NOX4: variants seen among roughly 807,000 people sequenced by gnomAD.
NOX4 encodes NADPH oxidase 4.
A neutral mutation model predicts 87.6 loss-of-function variants in NOX4; 69 were observed. The observed-to-expected ratio is 0.79, with a 90% CI of 0.65 to 0.96. The LOEUF (loss-of-function observed/expected upper bound fraction) is 0.96, where lower values mean the gene tolerates loss of function less well. Among genes scored for constraint, NOX4 ranks in the 40% least tolerant of loss-of-function variants. The pLI is 0.00. For missense variants in NOX4, 680 were observed against 681.5 expected (o/e 1.00, Z 0.02); for synonymous variants, 275 against 238.2 (o/e 1.15, Z -1.42).
chr11:89,327,569 G>C (rs986019612), intron 17 of NOX4, among the ~76,000 whole-genome samples: 1 of 151,916 alleles, frequency 6.6e-6, no homozygotes, highest in Non-Finnish European at 1.5e-5. Flanking sequence ...TAAATCCCAG[G>C]AAATAAATAA....
At chr11:89,336,487 A>C (rs1945720880) in intron 16 of NOX4, among the ~76,000 whole-genome samples, 1 of 151,970 alleles carries the variant, frequency 6.6e-6, no homozygotes, top group Non-Finnish European at 1.5e-5. Context: ...CCTAGACAAG[A>C]CAGCTCAAGA....
At chr11:89,412,581 T>C (rs1359484621) in intron 8 of NOX4, among the ~76,000 whole-genome samples, 3 of 152,082 alleles carry the variant, frequency 2.0e-5, no homozygotes, top group Admixed American at 6.6e-5. Context: ...GATGAAATTA[T>C]TGAGGAAATT....
the NOX4 span, among the ~76,000 whole-genome samples, chr11:89,545,945 C>G: frequency 1.3e-5 from 2 of 152,138 alleles, no homozygotes; most frequent in East Asian, 3.9e-4. Context: ...TTATGGCACA[C>G]CCATCAGCCC....
intron 8 of NOX4, among the ~76,000 whole-genome samples, chr11:89,410,138 A>G (rs2202150): frequency 0.42 from 63,499 of 151,846 alleles, 13,682 homozygotes; most frequent in East Asian, 0.56. Context: ...ATGCATAAAG[A>G]CCCCGAACAA....
At chr11:89,467,349 C>CAAAAAAAAAAAAAAAAAAAAAAAAA (rs71052233) in intron 2 of NOX4, among the ~76,000 whole-genome samples, 1 of 61,460 alleles carries the variant, frequency 1.6e-5, no homozygotes, top group African/African-American at 5.7e-5. Flanking sequence ...AAACTCGTCA[C>CAAAAAAAAAAAAAAAAAAAAAAAAA]AAAAAAAAAA....
chr11:89,329,098 A>G (rs1003456378), intron 17 of NOX4, among the ~76,000 whole-genome samples: 2 of 152,038 alleles, frequency 1.3e-5, no homozygotes, highest in African/African-American at 4.8e-5. Context: ...GCTCAGAATG[A>G]TAGAGATGAC....
chr11:89,355,230 GTA>G (rs772357142), intron 12 of NOX4, among the ~76,000 whole-genome samples, 187 bp from the exon 13 acceptor site: 36 of 149,164 alleles, frequency 2.4e-4, no homozygotes, highest in Middle Eastern at 3.6e-3. Context: ...GTGTGTGTGT[GTA>G]TATATATATA....
At chr11:89,514,918 A>G in the NOX4 span, among the ~76,000 whole-genome samples, 3 of 151,966 alleles carry the variant, frequency 2.0e-5, no homozygotes, top group African/African-American at 7.2e-5. Context: ...AAACTCATGC[A>G]TGCTCCTGCA....
At position 89,337,504 on chromosome 11, in the gene NOX4, C is replaced by G. The variant is rs756108243; in HGVS notation, c.1458G>C (p.Glu486Asp). 1.9e-6 allele frequency: 3 copies of G among 1,611,918 alleles called. No individual in the cohort carries two copies. Among genetic ancestry groups the G allele is most frequent in the Non-Finnish European group, 2.5e-6 (3 of 1,178,624 alleles). The change falls in exon 16 of 18, where the codon GAG (glutamate) becomes GAC (aspartate). Residue 486 changes from glutamate (E) to aspartate (D), a missense_variant. Glu to Asp is a conservative substitution (Grantham distance 45). Coordinates refer to ENST00000263317, the MANE Select transcript of NOX4 (RefSeq NM_016931.5). ...GGATGTTGACATAGTCAGGTCTGTT[C>G]TCTTGCCAAAACTGAGAGGACAGAA... ...LCMLHNKFWQENRPDYVNIQL... is the reference protein window; with the variant it reads ...LCMLHNKFWQDNRPDYVNIQL...
At chr11:89,469,813 T>C (rs1945851825) in intron 2 of NOX4, among the ~76,000 whole-genome samples, 2 of 152,176 alleles carry the variant, frequency 1.3e-5, no homozygotes, top group Admixed American at 1.3e-4. Context: ...TTTATGTAAA[T>C]CTTGACAAAG....
At chr11:89,332,706 T>C (rs889345974) in intron 17 of NOX4, among the ~76,000 whole-genome samples, 4 of 151,878 alleles carry the variant, frequency 2.6e-5, no homozygotes, top group African/African-American at 7.2e-5. Flanking sequence ...AAGCTGACTA[T>C]GCCCTGCTGT....
At chr11:89,490,974 A>G in intron 1 of NOX4, 1 of 713,216 alleles carries the variant, frequency 1.4e-6, no homozygotes, top group South Asian at 1.5e-5. Context: ...CTCTCCCATC[A>G]ATGTGCAGAA....
chr11:89,547,529 C>T, the NOX4 span, among the ~76,000 whole-genome samples: 868 of 152,232 alleles, frequency 5.7e-3, 8 homozygotes, highest in African/African-American at 0.02. Flanking sequence ...CTCATAGAGG[C>T]TTATTAGAAA....
rs150229800 is a variant in NOX4, at chr11:89,404,557, T to C, written c.630-2015A>G. ...TCTAGCCCAGGGAAATGTATATGCATTTTACATTATCCTCACAAAAACTGC... is the reference window on the plus strand; with the variant it reads ...TCTAGCCCAGGGAAATGTATATGCACTTTACATTATCCTCACAAAAACTGC... On this transcript the variant is annotated intron_variant, in intron 8 of 17. Transcript: ENST00000263317. 6.9e-3 allele frequency among the ~76,000 whole-genome samples: 1,045 copies of C among 152,278 alleles called. 10 individuals are homozygous for C. The highest frequency in any genetic ancestry group is 0.024 in the African/African-American group (983 of 41,554).
chr11:89,426,072 T>C (rs1427297407), intron 7 of NOX4, among the ~76,000 whole-genome samples: 5 of 152,196 alleles, frequency 3.3e-5, no homozygotes, highest in Admixed American at 1.3e-4. Flanking sequence ...ATAATGTGTA[T>C]CTGATTTTGC....
At position 89,416,639 on chromosome 11, in the gene NOX4, T is replaced by C. The variant is rs187507061; in HGVS notation, c.629+5263A>G. ...GGTTAACATCTTGAGTCTAAACTCC[T>C]GTGATGCTCCCTGTTAAACTATCCG... On this transcript the variant is annotated intron_variant, in intron 8 of 17. Transcript: ENST00000263317. 6.4e-3 allele frequency among the ~76,000 whole-genome samples: 979 copies of C among 152,296 alleles called. 15 individuals carry two copies. The highest frequency in any genetic ancestry group is 6.2e-3 in the Non-Finnish European group (422 of 68,022).
the NOX4 span, among the ~76,000 whole-genome samples, chr11:89,563,453 C>A: frequency 6.6e-6 from 1 of 152,104 alleles, no homozygotes; most frequent in Admixed American, 6.6e-5. Flanking sequence ...TGATATACTC[C>A]AACCATATCA....
the NOX4 span, among the ~76,000 whole-genome samples, chr11:89,558,505 A>G: frequency 2.6e-5 from 4 of 152,078 alleles, no homozygotes; most frequent in Non-Finnish European, 5.9e-5. Flanking sequence ...GCCCATATAT[A>G]GGTGTTTAAT....
chr11:89,504,661 A>T, the NOX4 span, among the ~76,000 whole-genome samples: 3 of 152,014 alleles, frequency 2.0e-5, no homozygotes, highest in African/African-American at 7.2e-5. Context: ...TCCATTGTGA[A>T]TTATACATCA....
Sources: gnomAD v4.1 joint callset for allele counts (sites outside exome capture counted in the v4.1 genomes callset) on GRCh38, gnomAD v4.1.1 for gene constraint, MANE v1.5 for transcripts, NCBI Gene and HGNC (gene_info 2026-07-23, HGNC 2026-07-21) for gene names.